Variants in NPR3 observed in about 807,000 individuals in gnomAD.
The protein encoded by NPR3 is atrial natriuretic peptide receptor 3.
In NPR3, 34 loss-of-function variants were observed where a neutral mutation model predicts 54.5. The ratio of observed to expected loss-of-function variants is 0.62; its 90% CI spans 0.47 to 0.83. The LOEUF is 0.83. NPR3 is among the 40% of genes least tolerant of loss of function. The probability of loss-of-function intolerance (pLI) is 0.00; values close to 1 mark genes in which losing one functional copy is unlikely to be tolerated. For missense variants in NPR3, 674 were observed against 720.8 expected, an observed-to-expected ratio of 0.94 and a Z score of 0.74; for synonymous variants, 289 against 297.1, an observed-to-expected ratio of 0.97 and a Z score of 0.28.
intron 4 of NPR3, among the ~76,000 whole-genome samples, chr5:32,776,148 A>G (rs538522466): frequency 3.9e-5 from 6 of 152,206 alleles, no homozygotes; most frequent in African/African-American, 1.2e-4. Context: ...TAAAATTTGT[A>G]TGAAAGGGGT....
chr5:32,755,817 T>C (rs1036775475), intron 3 of NPR3, among the ~76,000 whole-genome samples: 3 of 152,222 alleles, frequency 2.0e-5, no homozygotes, highest in African/African-American at 4.8e-5. Context: ...AGTGTTCTCA[T>C]TGTTCAATTC....
chr5:32,748,155 T>C (rs1412356350), intron 3 of NPR3, among the ~76,000 whole-genome samples: 1 of 152,350 alleles, frequency 6.6e-6, no homozygotes, highest in East Asian at 1.9e-4. Context: ...ATACTAATTT[T>C]CCTCAAAATT....
At chr5:32,727,441 T>C (rs1260079524) in intron 2 of NPR3, among the ~76,000 whole-genome samples, 3 of 152,256 alleles carry the variant, frequency 2.0e-5, no homozygotes, top group African/African-American at 7.2e-5. Flanking sequence ...CATTTAGGTT[T>C]TGATAGATAT....
rs962473335 is a variant in NPR3 at position 32,786,581 on chromosome 5, A to G, written c.*236A>G. On this transcript the variant is annotated 3_prime_UTR_variant, in exon 8 of 8. Transcript: ENST00000265074. ...TAATGATATCGTGTCACTCTGTTAA[A>G]TGTTCATACTGTTTCAAGCCCATAT... 6 of 490,688 alleles carry G rather than the reference A, an allele frequency of 1.2e-5. No individual in the cohort carries two copies. The highest frequency in any genetic ancestry group is 2.7e-5 in the South Asian group (1 of 37,074). 30.4% of individuals were successfully genotyped at this position (490,688 alleles called of 1,614,324 possible).
At chr5:32,758,368 A>G (rs1443755075) in intron 3 of NPR3, among the ~76,000 whole-genome samples, 3 of 152,176 alleles carry the variant, frequency 2.0e-5, no homozygotes, top group Admixed American at 2.0e-4. Context: ...CATTTCTTCT[A>G]GATTTTCTAG....
intron 5 of NPR3, 79 bp from the exon 6 acceptor site, chr5:32,782,814 G>A: frequency 7.3e-7 from 1 of 1,368,678 alleles, no homozygotes; most frequent in East Asian, 2.4e-5. Flanking sequence ...TACATTTTGG[G>A]GAATAGCTGT....
chr5:32,715,157 C>A (rs116366851), intron 1 of NPR3, among the ~76,000 whole-genome samples: 143 of 152,284 alleles, frequency 9.4e-4, no homozygotes, highest in Middle Eastern at 3.4e-3. Flanking sequence ...ATTTGGCTGG[C>A]CTCCTTATGT....
chr5:32,736,436 A>T (rs1739754606), intron 2 of NPR3, among the ~76,000 whole-genome samples: 1 of 152,164 alleles, frequency 6.6e-6, no homozygotes, highest in African/African-American at 2.4e-5. Context: ...CTGTAGAGTT[A>T]AGCATTTCCC....
At chr5:32,740,808 C>T (rs1445889845) in intron 3 of NPR3, among the ~76,000 whole-genome samples, 2 of 152,084 alleles carry the variant, frequency 1.3e-5, no homozygotes, top group African/African-American at 2.4e-5. Context: ...CCACACATGA[C>T]TAGTGGCTAC....
intron 3 of NPR3, among the ~76,000 whole-genome samples, chr5:32,740,044 C>T (rs978341929): frequency 2.0e-5 from 3 of 152,200 alleles, no homozygotes; most frequent in Admixed American, 1.3e-4. Context: ...CCATGCCCAG[C>T]TAATTAGAAG....
At chr5:32,699,356 G>T (rs960844577) in intron 1 of NPR3, among the ~76,000 whole-genome samples, 20 of 152,074 alleles carry the variant, frequency 1.3e-4, no homozygotes, top group African/African-American at 4.8e-4. Flanking sequence ...TGTTACATAG[G>T]TATACGTGTG....
intron 1 of NPR3, among the ~76,000 whole-genome samples, chr5:32,723,885 C>G (rs1038445987): frequency 6.6e-6 from 1 of 151,972 alleles, no homozygotes; most frequent in African/African-American, 2.4e-5. Context: ...CCTCTCCTCT[C>G]CCCTCCTCTC....
At chr5:32,783,217 T>C in intron 6 of NPR3, 189 bp downstream of exon 6, 1 of 504,228 alleles carries the variant, frequency 2.0e-6, no homozygotes, top group South Asian at 3.6e-5. Context: ...TCCAGTCTTC[T>C]CTTCCACAAT....
chr5:32,763,446 C>T (rs1390631216), intron 3 of NPR3, among the ~76,000 whole-genome samples: 6 of 151,780 alleles, frequency 4.0e-5, no homozygotes, highest in African/African-American at 9.7e-5. Flanking sequence ...CTTCATTCTC[C>T]CTAGTAGCAA....
intron 3 of NPR3, among the ~76,000 whole-genome samples, chr5:32,753,233 A>G (rs1579657382): frequency 6.6e-6 from 1 of 152,192 alleles, no homozygotes; most frequent in Non-Finnish European, 1.5e-5. Context: ...GATGTTTTGC[A>G]ATAATGGTGA....
intron 3 of NPR3, among the ~76,000 whole-genome samples, chr5:32,751,711 C>G (rs1740587416): frequency 6.6e-6 from 1 of 152,156 alleles, no homozygotes; most frequent in African/African-American, 2.4e-5. Context: ...TCTCCCAGGT[C>G]TCCCTCTGAC....
At chr5:32,693,538 T>C (rs1156557462) in intron 1 of NPR3, among the ~76,000 whole-genome samples, 1 of 152,160 alleles carries the variant, frequency 6.6e-6, no homozygotes, top group Non-Finnish European at 1.5e-5. Flanking sequence ...GAAAAATGAT[T>C]TTTATAAGGT....
chr5:32,711,423 C>A lies in NPR3; in HGVS notation c.-354C>A, dbSNP rs187841166. On this transcript the variant is annotated 5_prime_UTR_variant, in exon 1 of 8. Transcript: ENST00000265074. Reference sequence around the variant, plus strand: ...TCTTCTACAAAAACGCTTTCAAAAGCAACCTTAGCAACGCCCAAATAAGAA... The same window carrying A: ...TCTTCTACAAAAACGCTTTCAAAAGAAACCTTAGCAACGCCCAAATAAGAA... 1.2e-4 allele frequency: 128 copies of A among 1,036,480 alleles called. No homozygotes were observed. The African/African-American group carries it at 2.1e-3, about 17-fold the overall frequency. The allele number at this position is 1,036,480 out of a possible 1,614,324, so 64.2% of individuals were successfully genotyped here.
intron 1 of NPR3, among the ~76,000 whole-genome samples, chr5:32,695,115 C>A (rs1173560684): frequency 6.6e-6 from 1 of 152,162 alleles, no homozygotes; most frequent in East Asian, 1.9e-4. Context: ...TGTTGATGGA[C>A]ACTTGGGTTA....
Sources: allele counts gnomAD v4.1 joint callset (sites outside exome capture counted in the v4.1 genomes callset), GRCh38; gene constraint gnomAD v4.1.1; transcripts MANE v1.5; gene names NCBI Gene and HGNC (gene_info 2026-07-23, HGNC 2026-07-21).